The following STAP2 variants were observed in gnomAD, a reference collection of about 807,000 sequenced individuals.
The protein encoded by STAP2 is signal-transducing adaptor protein 2.
A neutral mutation model predicts 52.7 loss-of-function variants in STAP2; 58 were observed. The ratio of observed to expected loss-of-function variants is 1.10; its 90% confidence interval spans 0.89 to 1.37. The LOEUF (loss-of-function observed/expected upper bound fraction) is 1.37, where lower values mean the gene tolerates loss of function less well. Ranked by LOEUF, STAP2 falls within the 40% of genes most tolerant of loss-of-function variation. The pLI is 0.00. For missense variants in STAP2, 522 were observed against 519.4 expected (o/e 1.00, Z -0.05); for synonymous variants, 231 against 210.5 (o/e 1.10, Z -0.84).
rs772599462 is a variant in STAP2 at position 4,324,147 on chromosome 19, C to T, written c.1198G>A (p.Ala400Thr). The change falls in exon 13 of 13, where the codon GCA becomes ACA. Residue 400 changes from alanine to threonine, a missense_variant. Transcript: ENST00000594605. Reference sequence around the variant, plus strand: ...GTGTGTCCGAATCAGTGCTCCAGTGCCCGCCTCTTCTCCAGCTTCTTCTGT... The same window carrying T: ...GTGTGTCCGAATCAGTGCTCCAGTGTCCGCCTCTTCTCCAGCTTCTTCTGT... ...ELQKKLEKRR[A>T]LEH is the part of the protein sequence containing the mutation. The T allele has an allele frequency of 1.9e-6, 3 of 1,551,514 alleles. No homozygotes were observed. The highest frequency in any genetic ancestry group is 2.4e-5 in the South Asian group (2 of 84,066).
intron 9 of STAP2, 88 bp from the exon 10 acceptor site, chr19:4,325,633 G>C: frequency 1.4e-6 from 2 of 1,387,018 alleles, no homozygotes; most frequent in South Asian, 2.7e-5. Context: ...CATGCCTGGA[G>C]ACAGGCATGT....
chr19:4,327,271 C>T, intron 7 of STAP2, 45 bp from the exon 8 acceptor site: 6 of 1,613,756 alleles, frequency 3.7e-6, no homozygotes, highest in Non-Finnish European at 5.1e-6. Flanking sequence ...AGAAGGGACG[C>T]GGACCCCACA....
At chr19:4,325,349 C>G (rs1218911580) in intron 10 of STAP2, 41 bp from the exon 11 acceptor site, 2 of 1,614,212 alleles carry the variant, frequency 1.2e-6, no homozygotes, top group South Asian at 1.1e-5. Context: ...CAGCTGTTAA[C>G]CTGTTTCCCC....
Position 4,332,405 on chromosome 19 carries a change from C to G in STAP2, c.298-327G>C, listed in dbSNP as rs1461198820. On this transcript the variant is annotated intron_variant, in intron 3 of 12. Transcript: ENST00000594605. ...TTTTCTCTTAGACATGAGGGTCTCG[C>G]TTTGTTGCCAGGCTGGTCTTGAACT... Among the ~76,000 whole-genome samples, 3 of 151,314 alleles carry G rather than the reference C, an allele frequency of 2.0e-5. No homozygotes were observed. The East Asian group carries it at 5.9e-4, about 30-fold the overall frequency.
chr19:4,333,686 G>C lies in STAP2; in HGVS notation c.297+8C>G. 1 of 1,609,602 alleles carries C rather than the reference G, an allele frequency of 6.2e-7. No homozygotes were observed. Among genetic ancestry groups the C allele is most frequent in the East Asian group, 2.2e-5 (1 of 44,832 alleles). ...CGCCCCTCTGCACCCCTCCAGCAAG[G>C]GACCTACCTTGAACTTGATCTCCTG... On this transcript the variant is annotated splice_region_variant and intron_variant, in intron 3 of 12. Coordinates refer to ENST00000594605, the MANE Select transcript of STAP2 (RefSeq NM_001013841.2).
chr19:4,338,737 C>T lies in STAP2; in HGVS notation c.17G>A (p.Arg6Lys), dbSNP rs1972021028. Residue 6 changes from arginine (R) to lysine (K), a missense_variant, in exon 1 of 13, where the codon AGG becomes AAG. Physicochemically the swap from Arg to Lys is conservative, Grantham distance 26 (BLOSUM62 2). Coordinates refer to ENST00000594605, the MANE Select transcript of STAP2 (RefSeq NM_001013841.2). The part of the protein sequence containing the change: MASAL[R>K]PPRVPKPKGV... ...CTTAGGCTTGGGGACACGGGGTGGC[C>T]TCAGGGCAGAGGCCATGACGGAGCC... The T allele has an allele frequency of 6.2e-7, 1 of 1,613,166 alleles. No homozygotes were observed. The highest frequency in any genetic ancestry group is 8.5e-7 in the Non-Finnish European group (1 of 1,179,598).
At chr19:4,329,809 C>CCCA in intron 5 of STAP2, 152 bp downstream of exon 5, 1 of 224,000 alleles carries the variant, frequency 4.5e-6, no homozygotes, top group South Asian at 5.8e-5. Context: ...GGCCATAACT[C>CCCA]CCCCTCCCCC....
chr19:4,331,985 G>T, intron 4 of STAP2, 37 bp downstream of exon 4: 1 of 1,591,336 alleles, frequency 6.3e-7, no homozygotes, highest in East Asian at 2.2e-5. Flanking sequence ...GAGATCTGGA[G>T]AATGGGAGAG....
Position 4,325,452 on chromosome 19 carries a change from T to C in STAP2, c.923A>G (p.Glu308Gly). Reference protein sequence around the residue: ...PPLPPLPNQEENYVTPIGDGP... With the variant: ...PPLPPLPNQEGNYVTPIGDGP... ...ATCTCCAATGGGGGTCACGTAGTTCTCTTCCTGGTTCGGTAGTGGGGGCAG... is the reference window on the plus strand; with the variant it reads ...ATCTCCAATGGGGGTCACGTAGTTCCCTTCCTGGTTCGGTAGTGGGGGCAG... Residue 308 changes from glutamate to glycine, a missense_variant, in exon 10 of 13, where the codon GAG (glutamate) becomes GGG (glycine). Coordinates refer to ENST00000594605, the MANE Select transcript of STAP2 (RefSeq NM_001013841.2). 6.2e-7 allele frequency: 1 copy of C among 1,614,076 alleles called. No individual in the cohort carries two copies. Among genetic ancestry groups the C allele is most frequent in the South Asian group, 1.1e-5 (1 of 90,960 alleles).
intron 5 of STAP2, among the ~76,000 whole-genome samples, chr19:4,329,403 C>A (rs559191146): frequency 4.1e-4 from 63 of 152,150 alleles, no homozygotes; most frequent in Middle Eastern, 3.4e-3. Context: ...CCGCGGCCAG[C>A]CAGGCTCTTA....
chr19:4,334,870 C>CATCCACCCA (rs1448944126), intron 1 of STAP2, among the ~76,000 whole-genome samples: 31 of 108,758 alleles, frequency 2.9e-4, no homozygotes, highest in Non-Finnish European at 4.5e-4. Flanking sequence ...TCAATGCATC[C>CATCCACCCA]CTCCATCCAT....
chr19:4,325,426 C>T lies in STAP2; in HGVS notation c.949G>A (p.Gly317Ser). 1 of 1,614,246 alleles carries T rather than the reference C, an allele frequency of 6.2e-7. No homozygotes were observed. Among genetic ancestry groups the T allele is most frequent in the Non-Finnish European group, 8.5e-7 (1 of 1,180,050 alleles). Reference sequence around the variant, plus strand: ...TGGTTCTCATAGTCAACAGCTGGGCCATCTCCAATGGGGGTCACGTAGTTC... The same window carrying T: ...TGGTTCTCATAGTCAACAGCTGGGCTATCTCCAATGGGGGTCACGTAGTTC... ...EENYVTPIGDGPAVDYENQDV... is the reference protein window; with the variant it reads ...EENYVTPIGDSPAVDYENQDV... The change falls in exon 10 of 13, where the codon GGC becomes AGC. Residue 317 changes from glycine to serine, a missense_variant. Gly to Ser is a moderately conservative substitution (Grantham distance 56). Transcript: ENST00000594605.
intron 9 of STAP2, 109 bp from the exon 10 acceptor site, chr19:4,325,654 G>A: frequency 7.8e-7 from 1 of 1,288,496 alleles, no homozygotes; most frequent in Non-Finnish European, 1.1e-6. Context: ...GTCCCTGTGT[G>A]TCTGTGTGTG....
At chr19:4,328,179 C>T in intron 6 of STAP2, 1 of 217,476 alleles carries the variant, frequency 4.6e-6, no homozygotes, top group South Asian at 6.2e-5. Context: ...GCATTAACCC[C>T]ATACCTGGGG....
rs764568069 is a variant in STAP2, at chr19:4,324,489, T to G, written c.1113A>C (p.Pro371=). The part of the protein sequence containing the change: ...VFNGGLGRKL[P]VSSAQPLFPT... ...GGAAGAGAGGCTGGGCTGAACTGAC[T>G]GGCAGCTTCCTGCCCAAGCCACCAT... Residue 371 remains proline, a synonymous_variant, in exon 12 of 13, where the codon CCA becomes CCC. Coordinates refer to ENST00000594605, the MANE Select transcript of STAP2 (RefSeq NM_001013841.2). 1 of 1,576,390 alleles carries G rather than the reference T, an allele frequency of 6.3e-7. No homozygotes were observed. Among genetic ancestry groups the G allele is most frequent in the African/African-American group, 1.3e-5 (1 of 74,442 alleles).
intron 11 of STAP2, chr19:4,324,862 C>T (rs2002351): frequency 0.016 from 5,660 of 360,486 alleles, 145 homozygotes; most frequent in African/African-American, 0.078. Context: ...GAGCTGGGTG[C>T]GGTGGCTCAC....
At chr19:4,329,007 G>T (rs956347784) in intron 5 of STAP2, 198 bp from the exon 6 acceptor site, 41 of 623,570 alleles carry the variant, frequency 6.6e-5, no homozygotes, top group Non-Finnish European at 9.0e-5. Flanking sequence ...GGGGTTTTTT[G>T]TTTTTTTTTT....
intron 6 of STAP2, 111 bp from the exon 7 acceptor site, chr19:4,327,496 T>TGGCTCCGCCCCCACAGAA (rs1971814714): frequency 5.1e-6 from 6 of 1,174,384 alleles, no homozygotes; most frequent in Non-Finnish European, 7.3e-6. Context: ...AGGTCCATAC[T>TGGCTCCGCCCCCACAGAA]GGCTCCGCCC....
chr19:4,328,331 T>TCCCCCCCCCCC, intron 6 of STAP2: 1 of 100,806 alleles, frequency 9.9e-6, no homozygotes, highest in South Asian at 3.3e-4. Flanking sequence ...CAGCTCTGAC[T>TCCCCCCCCCCC]CCGCCCCAAC....
Sources: gnomAD v4.1 joint callset for allele counts (sites outside exome capture counted in the v4.1 genomes callset) on GRCh38, gnomAD v4.1.1 for gene constraint, MANE v1.5 for transcripts, NCBI Gene and HGNC (gene_info 2026-07-23, HGNC 2026-07-21) for gene names.